CAST: variants seen among roughly 807,000 people sequenced by gnomAD.
CAST encodes MIR583 host.
A neutral mutation model predicts 119.6 loss-of-function variants in CAST; 76 were observed. The ratio of observed to expected loss-of-function variants is 0.64; its 90% confidence interval spans 0.53 to 0.77. The LOEUF (loss-of-function observed/expected upper bound fraction) is 0.77, where lower values mean the gene tolerates loss of function less well. Among genes scored for constraint, CAST ranks in the 30% least tolerant of loss-of-function variants. The probability of loss-of-function intolerance (pLI) is 0.00; values close to 1 mark genes in which losing one functional copy is unlikely to be tolerated. For synonymous variants in CAST, 319 were observed against 331.6 expected (o/e 0.96, Z 0.41); for missense variants, 953 against 946.5 (o/e 1.01, Z -0.09).
intron 2 of CAST, among the ~76,000 whole-genome samples, chr5:96,692,332 C>G (rs192261876): frequency 6.6e-6 from 1 of 152,132 alleles, no homozygotes; most frequent in African/African-American, 2.4e-5. Context: ...CACCTGGAGG[C>G]AAGGGAGGAC....
At chr5:96,255,800 A>T in the CAST span, among the ~76,000 whole-genome samples, 5 of 152,172 alleles carry the variant, frequency 3.3e-5, no homozygotes. Context: ...GATAATATAT[A>T]TAAGCCCATA....
the CAST span, among the ~76,000 whole-genome samples, chr5:96,475,226 A>G: frequency 9.2e-5 from 14 of 152,174 alleles, no homozygotes; most frequent in Non-Finnish European, 2.1e-4. Flanking sequence ...ACCAAGACTG[A>G]GTGAGTAACT....
intron 1 of CAST, among the ~76,000 whole-genome samples, chr5:96,555,744 G>A (rs1289760920): frequency 6.6e-6 from 1 of 152,228 alleles, no homozygotes; most frequent in Non-Finnish European, 1.5e-5. Context: ...AAACTGGGTG[G>A]AGCCCACTAC....
At chr5:96,185,367 T>G in the CAST span, among the ~76,000 whole-genome samples, 1 of 152,272 alleles carries the variant, frequency 6.6e-6, no homozygotes, top group South Asian at 2.1e-4. Flanking sequence ...ATCCCATTTG[T>G]CAATTTTTGC....
At chr5:96,408,093 G>C in the CAST span, 1 of 712,114 alleles carries the variant, frequency 1.4e-6, no homozygotes, top group South Asian at 1.5e-5. Context: ...CGAAGTGGCA[G>C]GAAAGAGCTT....
rs145834973 is a variant in CAST at position 96,713,836 on chromosome 5, G to T, written c.211-8803G>T. Reference sequence around the variant, plus strand: ...CTAAAAATACAAAAATTAGCTGGGTGTGGTGGTGCACACCTGTAGTCCCAG... The same window carrying T: ...CTAAAAATACAAAAATTAGCTGGGTTTGGTGGTGCACACCTGTAGTCCCAG... On this transcript the variant is annotated intron_variant, in intron 3 of 31. Coordinates refer to ENST00000675179, the MANE Select transcript of CAST (RefSeq NM_001750.7). Among the ~76,000 whole-genome samples the T allele has an allele frequency of 1.6e-4, 25 of 152,168 alleles. No homozygotes were observed. In the East Asian group the frequency reaches 4.8e-3, roughly 30 times the overall value.
chr5:96,472,024 T>G, the CAST span, among the ~76,000 whole-genome samples: 1 of 152,168 alleles, frequency 6.6e-6, no homozygotes, highest in Non-Finnish European at 1.5e-5. Flanking sequence ...ACTCTGAATT[T>G]GCAACTCTGA....
the CAST span, among the ~76,000 whole-genome samples, chr5:96,245,450 G>C: frequency 6.6e-6 from 1 of 152,152 alleles, no homozygotes; most frequent in African/African-American, 2.4e-5. Context: ...ACAGAAAACT[G>C]TAAATTTTTA....
chr5:96,269,315 C>A, the CAST span, among the ~76,000 whole-genome samples: 1 of 151,994 alleles, frequency 6.6e-6, no homozygotes, highest in Non-Finnish European at 1.5e-5. Flanking sequence ...AGTATAAAAG[C>A]AAACATTAAT....
the CAST span, among the ~76,000 whole-genome samples, chr5:96,516,727 A>G: frequency 6.6e-6 from 1 of 152,238 alleles, no homozygotes; most frequent in African/African-American, 2.4e-5. Context: ...AGAGTTCACG[A>G]CTTGACAAGT....
chr5:96,136,469 G>T, the CAST span, among the ~76,000 whole-genome samples: 2 of 152,106 alleles, frequency 1.3e-5, no homozygotes, highest in African/African-American at 4.8e-5. Flanking sequence ...TCTCCAAGGA[G>T]CCCTGGTTCC....
At chr5:96,120,679 A>G in the CAST span, among the ~76,000 whole-genome samples, 1 of 147,994 alleles carries the variant, frequency 6.8e-6, no homozygotes. Flanking sequence ...TAATATATAC[A>G]TATAAATAAT....
chr5:96,382,648 A>T, the CAST span, among the ~76,000 whole-genome samples: 9 of 152,234 alleles, frequency 5.9e-5, no homozygotes, highest in African/African-American at 2.4e-5. Flanking sequence ...TATTTAATAC[A>T]TTATGCTATT....
chr5:96,344,137 T>C, the CAST span, among the ~76,000 whole-genome samples: 1 of 152,244 alleles, frequency 6.6e-6, no homozygotes, highest in African/African-American at 2.4e-5. Flanking sequence ...TTTGGGTGTG[T>C]AGGAAGACTG....
chr5:95,981,926 A>G, the CAST span, among the ~76,000 whole-genome samples: 1 of 152,106 alleles, frequency 6.6e-6, no homozygotes, highest in Non-Finnish European at 1.5e-5. Context: ...ACTAACAAGA[A>G]GTTGGAAAAA....
chr5:96,117,742 T>C, the CAST span, among the ~76,000 whole-genome samples: 3 of 152,216 alleles, frequency 2.0e-5, no homozygotes, highest in Non-Finnish European at 4.4e-5. Flanking sequence ...TAGTTTTTAC[T>C]TCTCTGCCCA....
chr5:96,740,179 T>C (rs1390299625), intron 12 of CAST, 61 bp downstream of exon 12: 1 of 797,746 alleles, frequency 1.3e-6, no homozygotes, highest in African/African-American at 1.8e-5. Flanking sequence ...TAATTTCATG[T>C]CAATATTTTT....
chr5:96,266,747 A>G, the CAST span, among the ~76,000 whole-genome samples: 1 of 152,218 alleles, frequency 6.6e-6, no homozygotes, highest in Non-Finnish European at 1.5e-5. Context: ...TAACTAATTC[A>G]TCAATGCAAT....
chr5:96,741,455 C>T (rs1301285827), intron 14 of CAST, 39 bp from the exon 15 acceptor site: 1 of 1,531,776 alleles, frequency 6.5e-7, no homozygotes, highest in Non-Finnish European at 9.0e-7. Context: ...TTAAACTTTC[C>T]TCATCTGTAA....
Sources: allele counts gnomAD v4.1 joint callset (sites outside exome capture counted in the v4.1 genomes callset), GRCh38; gene constraint gnomAD v4.1.1; transcripts MANE v1.5; gene names NCBI Gene and HGNC (gene_info 2026-07-23, HGNC 2026-07-21).